Variants in PPIE observed in about 807,000 individuals in gnomAD.
The protein encoded by PPIE is peptidyl-prolyl cis-trans isomerase E.
In PPIE, 20 loss-of-function variants were observed where a neutral mutation model predicts 38.4. The observed-to-expected ratio is 0.52, with a 90% CI of 0.37 to 0.76. PPIE has a LOEUF of 0.76. Among genes scored for constraint, PPIE ranks in the 30% least tolerant of loss-of-function variants. The pLI is 0.00. For missense variants in PPIE, 322 were observed against 385.8 expected (o/e 0.83, Z 1.39); for synonymous variants, 142 against 135.7 (o/e 1.05, Z -0.32).
chr1:39,744,473 T>C (rs183241613), intron 6 of PPIE, among the ~76,000 whole-genome samples: 18 of 152,340 alleles, frequency 1.2e-4, no homozygotes, highest in African/African-American at 4.3e-4. Context: ...TTTGTGAATG[T>C]TGTCATTCTT....
intron 8 of PPIE, among the ~76,000 whole-genome samples, chr1:39,750,649 T>A (rs990305249): frequency 1.3e-5 from 2 of 152,238 alleles, no homozygotes; most frequent in African/African-American, 2.4e-5. Context: ...AACTCTGTTC[T>A]CCTTGACTCC....
chr1:39,763,272 C>T, intron 9 of PPIE: 2 of 1,435,398 alleles, frequency 1.4e-6, no homozygotes, highest in Non-Finnish European at 1.9e-6. Context: ...CAAACCCATC[C>T]TCCAGCCCTG....
chr1:39,751,253 A>G (rs1012825912), intron 8 of PPIE, among the ~76,000 whole-genome samples: 5 of 152,210 alleles, frequency 3.3e-5, no homozygotes, highest in African/African-American at 1.2e-4. Flanking sequence ...GCACTCCAAA[A>G]CTTTGGGCTT....
intron 3 of PPIE, 143 bp from the exon 4 acceptor site, chr1:39,741,752 C>T (rs1647063363): frequency 2.3e-6 from 2 of 878,838 alleles, no homozygotes; most frequent in Middle Eastern, 4.4e-4. Context: ...CCAGGAAGTG[C>T]TCTTTGTTAG....
At chr1:39,742,903 C>G (rs977008144) in intron 4 of PPIE, 15 of 208,322 alleles carry the variant, frequency 7.2e-5, no homozygotes, top group Non-Finnish European at 1.2e-4. Context: ...ATTTTTCTTT[C>G]ATTTCAAAGC....
At chr1:39,748,531 G>T (rs764271207) in intron 7 of PPIE, 16 of 222,374 alleles carry the variant, frequency 7.2e-5, no homozygotes, top group Non-Finnish European at 1.4e-4. Context: ...TGAGGTAGGA[G>T]TTCTAGACCA....
downstream of PPIE, chr1:39,757,131 G>A (rs1648362657): frequency 6.6e-6 from 1 of 152,270 alleles, no homozygotes; most frequent in African/African-American, 2.4e-5. Context: ...GGGATGCCAT[G>A]TGTAGATGGT....
Position 39,753,869 on chromosome 1 carries a change from G to A in PPIE, c.*514G>A, listed in dbSNP as rs1211431463. On this transcript the variant is annotated 3_prime_UTR_variant, in exon 10 of 10. Coordinates refer to ENST00000324379, the MANE Select transcript of PPIE (RefSeq NM_006112.4). The stretch of plus-strand genomic sequence containing the variant: ...GTCAGGTGATGTATCTTCACACCAG[G>A]CATCGATGTCAGGGCAACGGAAATT... 4.1e-6 allele frequency: 4 copies of A among 985,204 alleles called. No individual in the cohort carries two copies. The highest frequency in any genetic ancestry group is 4.8e-6 in the Non-Finnish European group (4 of 829,910). The allele number at this position is 985,204 out of a possible 1,614,324, so 61.0% of individuals were successfully genotyped here.
At chr1:39,741,970 A>G in intron 4 of PPIE, 49 bp downstream of exon 4, 1 of 1,600,478 alleles carries the variant, frequency 6.2e-7, no homozygotes, top group Admixed American at 1.7e-5. Flanking sequence ...TTGGTGGTAC[A>G]GAGGCTCCTT....
exon 10 of PPIE, chr1:39,763,796 A>G: frequency 1.3e-6 from 2 of 1,599,176 alleles, no homozygotes; most frequent in East Asian, 4.5e-5. Context: ...CGTCATCTGC[A>G]GGGACAGAAG....
At chr1:39,740,862 G>A (rs1043480200) in intron 2 of PPIE, among the ~76,000 whole-genome samples, 9 of 152,188 alleles carry the variant, frequency 5.9e-5, no homozygotes, top group African/African-American at 2.2e-4. Flanking sequence ...AAAATGATAA[G>A]GTTATGTTGG....
Position 39,753,713 on chromosome 1 carries a change from G to A in PPIE, c.*358G>A. On this transcript the variant is annotated 3_prime_UTR_variant, in exon 10 of 10. Coordinates refer to ENST00000324379, the MANE Select transcript of PPIE (RefSeq NM_006112.4). ...CCCTAGTTCTTATATTGCTCTTCCT[G>A]CTAGTTCTTGGGAGTTGTCAGAGAT... 9.5e-7 allele frequency: 1 copy of A among 1,047,236 alleles called. No homozygotes were observed. Among genetic ancestry groups the A allele is most frequent in the Non-Finnish European group, 1.2e-6 (1 of 869,298 alleles). The allele number at this position is 1,047,236 out of a possible 1,614,324, so 64.9% of individuals were successfully genotyped here.
At position 39,755,053 on chromosome 1, in the gene PPIE, C is replaced by G. The variant is rs1648121340; in HGVS notation, c.*1698C>G. ...AAATGGTCCCACCCCCTGCTGAGCTCACAGTCTGGCTCTCCTGTGTGCAGC... is the reference window on the plus strand; with the variant it reads ...AAATGGTCCCACCCCCTGCTGAGCTGACAGTCTGGCTCTCCTGTGTGCAGC... On this transcript the variant is annotated 3_prime_UTR_variant, in exon 10 of 10. Coordinates refer to ENST00000324379, the MANE Select transcript of PPIE (RefSeq NM_006112.4). The G allele has an allele frequency of 3.0e-6, 3 of 985,474 alleles. No homozygotes were observed. In the South Asian group the frequency reaches 1.4e-4, roughly 46 times the overall value. The allele number at this position is 985,474 out of a possible 1,614,324, so 61.0% of individuals were successfully genotyped here. A position where few individuals can be genotyped will look rare whatever the true frequency, so the allele number is the denominator to read the frequency against.
intron 7 of PPIE, chr1:39,747,716 TCGGCCTCCCATA>T (rs976454431): frequency 1.3e-5 from 2 of 152,194 alleles, no homozygotes; most frequent in African/African-American, 2.4e-5. Flanking sequence ...TTCGCCTGCC[TCGGCCTCCCATA>T]GTGCTGGGAT....
At chr1:39,749,564 C>T (rs182934892) in intron 8 of PPIE, among the ~76,000 whole-genome samples, 3 of 152,234 alleles carry the variant, frequency 2.0e-5, no homozygotes, top group African/African-American at 7.2e-5. Flanking sequence ...TGTCCATGCC[C>T]GTCTTCACTT....
chr1:39,762,338 C>G (rs1649108502), intron 9 of PPIE: 10 of 745,798 alleles, frequency 1.3e-5, no homozygotes, highest in East Asian at 3.0e-5. Flanking sequence ...CGCACCTGAT[C>G]AAGGCATCAC....
At chr1:39,760,203 C>T (rs1221263495), downstream of PPIE, 2 of 789,796 alleles carry the variant, frequency 2.5e-6, no homozygotes, top group African/African-American at 3.5e-5. Flanking sequence ...ATGATTGAGA[C>T]CACCTGGGCT....
rs1647202989 is a variant in PPIE at position 39,746,324 on chromosome 1, GT to G, written c.508+830del. On this transcript the variant is annotated intron_variant, in intron 7 of 9. Coordinates refer to ENST00000324379, the MANE Select transcript of PPIE (RefSeq NM_006112.4). ...TTGATAATTGCCTTGTTTTTGCATAGTTTTCTGTGTAATCATTCCTGATTTT... is the reference window on the plus strand; with the variant it reads ...TTGATAATTGCCTTGTTTTTGCATAGTTTCTGTGTAATCATTCCTGATTTT... The G allele has an allele frequency of 2.6e-5, 4 of 152,266 alleles. No individual in the cohort carries two copies. In the East Asian group the frequency reaches 7.7e-4, roughly 29 times the overall value. The allele number at this position is 152,266 out of a possible 1,614,324, so 9.4% of individuals were successfully genotyped here. A position where few individuals can be genotyped will look rare whatever the true frequency, so the allele number is the denominator to read the frequency against.
intron 9 of PPIE, chr1:39,762,590 G>C: frequency 6.5e-7 from 1 of 1,550,268 alleles, no homozygotes. Flanking sequence ...AGAAACTGGG[G>C]GAAAAGCCAA....
Sources: allele counts gnomAD v4.1 joint callset (sites outside exome capture counted in the v4.1 genomes callset), GRCh38; gene constraint gnomAD v4.1.1; transcripts MANE v1.5; gene names NCBI Gene and HGNC (gene_info 2026-07-23, HGNC 2026-07-21).